The following ITGB5 variants were observed in gnomAD, a reference collection of about 807,000 sequenced individuals.
ITGB5 encodes integrin subunit beta 5, also known as integrin beta-5.
In ITGB5, 38 loss-of-function variants were observed where a neutral mutation model predicts 84.8. The observed-to-expected ratio is 0.45, with a 90% CI of 0.35 to 0.59. The LOEUF is 0.59. ITGB5 is among the 20% of genes least tolerant of loss of function. The probability of loss-of-function intolerance (pLI) is 0.01; values close to 1 mark genes in which losing one functional copy is unlikely to be tolerated. For synonymous variants in ITGB5, 393 were observed against 414.4 expected, an observed-to-expected ratio of 0.95 and a Z score of 0.63; for missense variants, 905 against 1,034.5, an observed-to-expected ratio of 0.87 and a Z score of 1.72.
intron 1 of ITGB5, chr3:124,878,801 G>A (rs1289095907): frequency 6.6e-6 from 1 of 152,180 alleles, no homozygotes; most frequent in Non-Finnish European, 1.5e-5. Context: ...TAAGCATTTT[G>A]AAAAGGAAGG....
intron 5 of ITGB5, among the ~76,000 whole-genome samples, chr3:124,835,352 G>A (rs1175573993): frequency 6.6e-6 from 1 of 152,252 alleles, no homozygotes; most frequent in African/African-American, 2.4e-5. Context: ...ATTCAGAAGT[G>A]CACATGAAAC....
intron 10 of ITGB5, among the ~76,000 whole-genome samples, chr3:124,796,130 GAAGT>G (rs2064219146): frequency 6.6e-6 from 1 of 152,214 alleles, no homozygotes; most frequent in South Asian, 2.1e-4. Context: ...CATGAATTGG[GAAGT>G]AAGGTGGATG....
chr3:124,766,094 A>G (rs987278078), intron 13 of ITGB5, 132 bp downstream of exon 13: 4 of 852,570 alleles, frequency 4.7e-6, no homozygotes, highest in Non-Finnish European at 3.6e-6. Flanking sequence ...AAGAAATTGT[A>G]TCCCTCCTCT....
chr3:124,876,826 G>T (rs12631064), intron 1 of ITGB5, among the ~76,000 whole-genome samples: 1 of 152,072 alleles, frequency 6.6e-6, no homozygotes, highest in Non-Finnish European at 1.5e-5. Context: ...GCCATCCAGG[G>T]CCAAATGTGG....
At chr3:124,847,073 C>T (rs771702301) in intron 4 of ITGB5, among the ~76,000 whole-genome samples, 5 of 152,230 alleles carry the variant, frequency 3.3e-5, no homozygotes, top group Non-Finnish European at 7.3e-5. Flanking sequence ...CTGGCTTACA[C>T]TTACCTTAGA....
chr3:124,897,152 T>C (rs916127849), intron 1 of ITGB5, among the ~76,000 whole-genome samples: 4 of 152,256 alleles, frequency 2.6e-5, no homozygotes, highest in African/African-American at 9.6e-5. Context: ...CTCCTATTTG[T>C]CTTTTGATAC....
intron 10 of ITGB5, among the ~76,000 whole-genome samples, chr3:124,788,123 C>T (rs1390938485): frequency 6.6e-6 from 1 of 152,058 alleles, no homozygotes; most frequent in African/African-American, 2.4e-5. Flanking sequence ...TGGTTTTGAA[C>T]TCCTGAGCTC....
intron 9 of ITGB5, among the ~76,000 whole-genome samples, chr3:124,802,019 C>G (rs2064323646): frequency 6.6e-6 from 1 of 152,246 alleles, no homozygotes; most frequent in South Asian, 2.1e-4. Context: ...CCTACTGGTG[C>G]TCTGAGCCTC....
intron 5 of ITGB5, among the ~76,000 whole-genome samples, chr3:124,824,925 G>A (rs1206052564): frequency 5.9e-5 from 9 of 152,188 alleles, no homozygotes; most frequent in South Asian, 2.1e-4. Flanking sequence ...GAGGCCTGGC[G>A]CGGTGGCTCA....
intron 10 of ITGB5, among the ~76,000 whole-genome samples, chr3:124,786,677 A>G (rs1374605761): frequency 6.6e-6 from 1 of 152,188 alleles, no homozygotes; most frequent in Non-Finnish European, 1.5e-5. Context: ...AGCAACTTCC[A>G]GACTCAAGGG....
chr3:124,845,427 T>C (rs1017147300), intron 4 of ITGB5, among the ~76,000 whole-genome samples: 1 of 152,252 alleles, frequency 6.6e-6, no homozygotes, highest in African/African-American at 2.4e-5. Flanking sequence ...CAAGCCACAG[T>C]GTGCCCCCAC....
chr3:124,888,833 C>T (rs1345623320), upstream of ITGB5, among the ~76,000 whole-genome samples: 2 of 152,198 alleles, frequency 1.3e-5, no homozygotes, highest in African/African-American at 4.8e-5. Flanking sequence ...AACTGCCCAG[C>T]TCAAGGAGTT....
intron 1 of ITGB5, among the ~76,000 whole-genome samples, chr3:124,897,678 A>T (rs962771331): frequency 6.6e-6 from 1 of 152,142 alleles, no homozygotes; most frequent in African/African-American, 2.4e-5. Context: ...ATTTTTTTTT[A>T]AATGTTTGTG....
At chr3:124,817,575 GA>G (rs759046815) in intron 8 of ITGB5, 45 bp downstream of exon 8, 48 of 1,053,054 alleles carry the variant, frequency 4.6e-5, no homozygotes, top group Non-Finnish European at 5.7e-6. Flanking sequence ...CTCAGTGGGA[GA>G]GGGTGGAAGG....
At chr3:124,854,916 A>G (rs1409415096) in intron 3 of ITGB5, among the ~76,000 whole-genome samples, 1 of 152,182 alleles carries the variant, frequency 6.6e-6, no homozygotes, top group Non-Finnish European at 1.5e-5. Context: ...GTCCTTGATT[A>G]GTCTGCGATA....
At chr3:124,882,863 G>C (rs1934636302) in intron 1 of ITGB5, among the ~76,000 whole-genome samples, 1 of 152,208 alleles carries the variant, frequency 6.6e-6, no homozygotes, top group East Asian at 1.9e-4. Flanking sequence ...CAGCCTTAGG[G>C]GATGAGTCAA....
At chr3:124,778,942 G>A (rs1344019641) in intron 10 of ITGB5, among the ~76,000 whole-genome samples, 13 of 152,072 alleles carry the variant, frequency 8.5e-5, no homozygotes, top group Non-Finnish European at 1.2e-4. Flanking sequence ...GTGTGGGCTG[G>A]AGCTCAGTTC....
chr3:124,836,102 T>C (rs2064931722), intron 5 of ITGB5, among the ~76,000 whole-genome samples: 1 of 151,972 alleles, frequency 6.6e-6, no homozygotes, highest in South Asian at 2.1e-4. Context: ...CTCTGAGGCC[T>C]GGAGAAGTCA....
chr3:124,819,885 A>G (rs1228094118), intron 6 of ITGB5, 51 bp from the exon 7 acceptor site: 5 of 1,315,462 alleles, frequency 3.8e-6, no homozygotes, highest in Non-Finnish European at 5.5e-6. Context: ...AGGTGTAGAT[A>G]CCAGCACCTG....
Sources: gnomAD v4.1 joint callset for allele counts (sites outside exome capture counted in the v4.1 genomes callset) on GRCh38, gnomAD v4.1.1 for gene constraint, MANE v1.5 for transcripts, NCBI Gene and HGNC (gene_info 2026-07-23, HGNC 2026-07-21) for gene names.